Variants in SAMD12 observed in about 807,000 individuals in gnomAD.
The protein encoded by SAMD12 is sterile alpha motif domain containing 12.
Under a neutral mutation model 15.0 loss-of-function variants are expected in SAMD12, and 9 were observed. The observed-to-expected ratio is 0.60, with a 90% CI of 0.36 to 1.05. The LOEUF is 1.05. Ranked by LOEUF, SAMD12 falls within the 50% of genes least tolerant of loss-of-function variation. SAMD12 has a pLI of 0.01. For synonymous variants in SAMD12, 86 were observed against 90.1 expected, an observed-to-expected ratio of 0.96 and a Z score of 0.25; for missense variants, 230 against 234.2, an observed-to-expected ratio of 0.98 and a Z score of 0.12.
At chr8:118,380,580 TAA>T (rs1040642593) in intron 3 of SAMD12, among the ~76,000 whole-genome samples, 5 of 152,208 alleles carry the variant, frequency 3.3e-5, no homozygotes, top group Non-Finnish European at 4.4e-5. Context: ...CTGCAAAAAA[TAA>T]AAAGAGTGAT....
intron 4 of SAMD12, among the ~76,000 whole-genome samples, chr8:118,234,538 C>T (rs1466370007): frequency 2.0e-5 from 3 of 151,610 alleles, no homozygotes; most frequent in South Asian, 4.2e-4. Flanking sequence ...GGTGAAACCC[C>T]GTCTCTACTG....
chr8:118,415,989 TC>T (rs903188471), intron 3 of SAMD12, among the ~76,000 whole-genome samples: 65 of 152,294 alleles, frequency 4.3e-4, no homozygotes, highest in African/African-American at 1.4e-3. Context: ...AGCGTGGCTT[TC>T]CCCCTTTTTT....
chr8:118,328,320 G>A (rs900206884), intron 4 of SAMD12, among the ~76,000 whole-genome samples: 1 of 152,118 alleles, frequency 6.6e-6, no homozygotes, highest in Non-Finnish European at 1.5e-5. Context: ...TACAGGCTGT[G>A]CCCTCTATTA....
chr8:118,436,196 C>G (rs1223241542), intron 3 of SAMD12, among the ~76,000 whole-genome samples: 1 of 152,158 alleles, frequency 6.6e-6, no homozygotes, highest in African/African-American at 2.4e-5. Flanking sequence ...TTCTGAAAAC[C>G]TGGTACATGG....
At chr8:118,338,504 G>A (rs1204680385) in intron 4 of SAMD12, among the ~76,000 whole-genome samples, 1 of 152,184 alleles carries the variant, frequency 6.6e-6, no homozygotes, top group Non-Finnish European at 1.5e-5. Flanking sequence ...AGAATAAAAT[G>A]AACGCTGATA....
intron 2 of SAMD12, among the ~76,000 whole-genome samples, chr8:118,562,341 G>A (rs986853080): frequency 6.6e-6 from 1 of 152,132 alleles, no homozygotes; most frequent in Admixed American, 6.5e-5. Context: ...TGCCAAGGAG[G>A]GGAATAGTAA....
At chr8:118,512,150 T>C (rs542988621) in intron 2 of SAMD12, among the ~76,000 whole-genome samples, 2 of 152,312 alleles carry the variant, frequency 1.3e-5, no homozygotes, top group South Asian at 4.1e-4. Flanking sequence ...TGAATATTAA[T>C]TGGGCCAGTG....
intron 4 of SAMD12, among the ~76,000 whole-genome samples, chr8:118,359,786 C>T (rs960338365): frequency 6.6e-6 from 1 of 152,124 alleles, no homozygotes; most frequent in East Asian, 1.9e-4. Flanking sequence ...AGTGCTAAAA[C>T]ATAATAAACA....
At chr8:118,152,291 C>T in the SAMD12 span, among the ~76,000 whole-genome samples, 1 of 152,138 alleles carries the variant, frequency 6.6e-6, no homozygotes, top group Non-Finnish European at 1.5e-5. Context: ...TAGCTGCCAC[C>T]ACCCCCACCA....
intron 1 of SAMD12, among the ~76,000 whole-genome samples, chr8:118,595,098 T>C (rs1309258699): frequency 6.6e-6 from 1 of 152,128 alleles, no homozygotes; most frequent in Admixed American, 6.6e-5. Context: ...ACATATCCCA[T>C]ATCCCTCATG....
chr8:118,237,618 G>C (rs1034036740), intron 4 of SAMD12, among the ~76,000 whole-genome samples: 6 of 152,156 alleles, frequency 3.9e-5, no homozygotes, highest in African/African-American at 1.4e-4. Flanking sequence ...CTTACTATGA[G>C]AGGAATTGGA....
chr8:118,455,911 C>T, intron 2 of SAMD12, among the ~76,000 whole-genome samples: 1 of 152,186 alleles, frequency 6.6e-6, no homozygotes, highest in East Asian at 1.9e-4. Context: ...TTATTCCTTC[C>T]ACCTCATTCA....
At chr8:118,240,254 C>T (rs989452542) in intron 4 of SAMD12, among the ~76,000 whole-genome samples, 2 of 152,158 alleles carry the variant, frequency 1.3e-5, no homozygotes, top group African/African-American at 4.8e-5. Context: ...GACACATTGA[C>T]TGCAACGTCA....
At chr8:118,164,955 T>G in the SAMD12 span, among the ~76,000 whole-genome samples, 1 of 149,346 alleles carries the variant, frequency 6.7e-6, no homozygotes, top group Non-Finnish European at 1.5e-5. Context: ...TCTCAGTCAA[T>G]ATTTTGCTTC....
At chr8:118,502,063 G>T (rs1824799828) in intron 2 of SAMD12, among the ~76,000 whole-genome samples, 1 of 151,946 alleles carries the variant, frequency 6.6e-6, no homozygotes, top group African/African-American at 2.4e-5. Context: ...GATTCAGCAG[G>T]GCTAGGGTGG....
chr8:118,621,869 C>T lies in SAMD12; in HGVS notation c.-53G>A. 1 of 1,595,152 alleles carries T rather than the reference C, an allele frequency of 6.3e-7. No homozygotes were observed. ...TAATTTTCTTGGCCGAGGTACTCCT[C>T]CTGCCCCGCGCTCCCCCCTTCCTCT... On this transcript the variant is annotated 5_prime_UTR_variant, in exon 1 of 4. Transcript: ENST00000314727.
exon 5 of SAMD12, chr8:118,190,241 A>C (rs1160473377): frequency 6.6e-6 from 1 of 152,082 alleles, no homozygotes; most frequent in Non-Finnish European, 1.5e-5. Context: ...TCTTATGTTC[A>C]ATTCACATTG....
At chr8:118,179,029 A>C in the SAMD12 span, among the ~76,000 whole-genome samples, 1 of 152,056 alleles carries the variant, frequency 6.6e-6, no homozygotes. Context: ...GGGCATCATC[A>C]CTTCTGTTTA....
chr8:118,191,187 A>T (rs1369530326), exon 5 of SAMD12: 2 of 152,150 alleles, frequency 1.3e-5, no homozygotes, highest in African/African-American at 4.8e-5. Context: ...CACAGTACAA[A>T]GTCAAGAGCC....
Sources: allele counts gnomAD v4.1 joint callset (sites outside exome capture counted in the v4.1 genomes callset), GRCh38; gene constraint gnomAD v4.1.1; transcripts MANE v1.5; gene names NCBI Gene and HGNC (gene_info 2026-07-23, HGNC 2026-07-21).